The following CTNNA3 variants were observed in gnomAD, a reference collection of about 807,000 sequenced individuals.
CTNNA3 encodes catenin alpha 3.
In CTNNA3, 76 loss-of-function variants were observed where a neutral mutation model predicts 95.7. The observed-to-expected ratio is 0.79, with a 90% confidence interval of 0.66 to 0.96. CTNNA3 has a LOEUF of 0.96. Among genes scored for constraint, CTNNA3 ranks in the 40% least tolerant of loss-of-function variants. The pLI is 0.00. For synonymous variants in CTNNA3, 431 were observed against 374.4 expected (o/e 1.15, Z -1.74); for missense variants, 1,191 against 1,089.8 (o/e 1.09, Z -1.31).
intron 7 of CTNNA3, among the ~76,000 whole-genome samples, chr10:67,026,026 C>G (rs894131576): frequency 6.7e-6 from 1 of 149,744 alleles, no homozygotes. Context: ...CCAAACACCG[C>G]ATGTTCTCAT....
chr10:66,567,624 A>G (rs1319376928), intron 10 of CTNNA3, among the ~76,000 whole-genome samples: 1 of 152,046 alleles, frequency 6.6e-6, no homozygotes, highest in Non-Finnish European at 1.5e-5. Context: ...GTCTCGGGGA[A>G]AAAATAAAAT....
At chr10:66,478,487 G>A (rs10997163) in intron 11 of CTNNA3, among the ~76,000 whole-genome samples, 9,406 of 151,520 alleles carry the variant, frequency 0.062, 610 homozygotes, top group African/African-American at 0.17. Context: ...AATATTTTAA[G>A]GACTATATTA....
chr10:66,008,957 G>A lies in CTNNA3; in HGVS notation c.2160-20160C>T, dbSNP rs528663635. Among the ~76,000 whole-genome samples the A allele has an allele frequency of 7.9e-5, 12 of 152,120 alleles. No homozygotes were observed. The South Asian group carries it at 1.7e-3, about 21-fold the overall frequency. ...TCCACTAAAAATACAAAAATTATCC[G>A]TATGTAGTGGCACGCACCTGTAATC... is the stretch of plus-strand genomic sequence containing the variant. On this transcript the variant is annotated intron_variant, in intron 15 of 17. Transcript: ENST00000433211.
chr10:67,068,281 A>G (rs1173413691), intron 7 of CTNNA3, among the ~76,000 whole-genome samples: 1 of 152,220 alleles, frequency 6.6e-6, no homozygotes, highest in East Asian at 1.9e-4. Context: ...AATAGCTCCA[A>G]GGCTGCATAA....
chr10:66,364,793 A>G (rs759905846), intron 12 of CTNNA3, among the ~76,000 whole-genome samples: 3 of 152,140 alleles, frequency 2.0e-5, no homozygotes, highest in Non-Finnish European at 4.4e-5. Flanking sequence ...TTGGTTTTCC[A>G]TATTTCCTCT....
At chr10:65,977,233 C>T (rs1223861978) in intron 16 of CTNNA3, among the ~76,000 whole-genome samples, 1 of 152,034 alleles carries the variant, frequency 6.6e-6, no homozygotes, top group Non-Finnish European at 1.5e-5. Context: ...CACAGGGACT[C>T]ACAACATGTA....
chr10:67,286,085 T>C (rs898907757), intron 5 of CTNNA3, among the ~76,000 whole-genome samples: 1 of 152,188 alleles, frequency 6.6e-6, no homozygotes, highest in Non-Finnish European at 1.5e-5. Context: ...CAAATGTGTA[T>C]GCTGGTTTCT....
chr10:66,152,795 T>C (rs2084272560), intron 13 of CTNNA3, among the ~76,000 whole-genome samples: 2 of 152,000 alleles, frequency 1.3e-5, no homozygotes, highest in Admixed American at 1.3e-4. Context: ...AGTGCCCTAC[T>C]GAAACTTTGT....
chr10:67,290,198 C>T (rs577541320), intron 5 of CTNNA3, among the ~76,000 whole-genome samples: 3 of 152,258 alleles, frequency 2.0e-5, no homozygotes, highest in South Asian at 2.1e-4. Flanking sequence ...TCCCTGCTTA[C>T]AGTGTTAAGG....
intron 11 of CTNNA3, among the ~76,000 whole-genome samples, chr10:66,515,170 A>G (rs902250576): frequency 2.0e-5 from 3 of 152,012 alleles, no homozygotes; most frequent in Non-Finnish European, 2.9e-5. Context: ...TTGTATTTAC[A>G]TTTTAATGTA....
intron 3 of CTNNA3, among the ~76,000 whole-genome samples, chr10:67,586,933 C>A (rs545491056): frequency 6.6e-6 from 1 of 151,966 alleles, no homozygotes; most frequent in Non-Finnish European, 1.5e-5. Flanking sequence ...CATTTGATTT[C>A]TTTCTCTTCC....
At chr10:66,602,736 G>T (rs1843973512) in intron 10 of CTNNA3, among the ~76,000 whole-genome samples, 1 of 151,936 alleles carries the variant, frequency 6.6e-6, no homozygotes. Context: ...ACATTAAAAA[G>T]ATCATTCACC....
At chr10:66,564,551 T>G (rs1049898477) in intron 10 of CTNNA3, among the ~76,000 whole-genome samples, 5 of 152,212 alleles carry the variant, frequency 3.3e-5, no homozygotes, top group South Asian at 2.1e-4. Context: ...AAATAAGGAG[T>G]GCTAGATCAT....
At chr10:67,181,080 C>T (rs938747823) in intron 6 of CTNNA3, among the ~76,000 whole-genome samples, 6 of 152,072 alleles carry the variant, frequency 3.9e-5, no homozygotes, top group South Asian at 4.1e-4. Context: ...TAAACAGTGA[C>T]GTTCAGACAA....
At chr10:67,143,425 T>TAA (rs61603392) in intron 7 of CTNNA3, among the ~76,000 whole-genome samples, 1,189 of 75,982 alleles carry the variant, frequency 0.016, 88 homozygotes, top group East Asian at 0.038. Flanking sequence ...GGCTCTGTCT[T>TAA]AAAAAAAAAA....
intron 7 of CTNNA3, among the ~76,000 whole-genome samples, chr10:67,144,518 T>C (rs559075041): frequency 6.6e-6 from 1 of 152,224 alleles, no homozygotes; most frequent in South Asian, 2.1e-4. Context: ...AATGATCTTA[T>C]CTACATCTTC....
intron 7 of CTNNA3, among the ~76,000 whole-genome samples, chr10:66,959,557 A>T (rs1266561340): frequency 6.6e-6 from 1 of 152,062 alleles, no homozygotes; most frequent in East Asian, 1.9e-4. Flanking sequence ...TGGGAAAGAG[A>T]ATTAACCTCT....
intron 13 of CTNNA3, among the ~76,000 whole-genome samples, chr10:66,170,533 C>A (rs770223645): frequency 2.6e-4 from 40 of 151,668 alleles, no homozygotes; most frequent in Non-Finnish European, 5.4e-4. Flanking sequence ...CAATGCAGAT[C>A]CAAACAGATA....
intron 7 of CTNNA3, among the ~76,000 whole-genome samples, chr10:67,092,195 T>C (rs1857684991): frequency 6.6e-6 from 1 of 152,096 alleles, no homozygotes; most frequent in East Asian, 1.9e-4. Context: ...TATCATCTTT[T>C]CAACAACCTA....
Sources: gnomAD v4.1 joint callset for allele counts (sites outside exome capture counted in the v4.1 genomes callset) on GRCh38, gnomAD v4.1.1 for gene constraint, MANE v1.5 for transcripts, NCBI Gene and HGNC (gene_info 2026-07-23, HGNC 2026-07-21) for gene names.